The following SGCD variants were observed in gnomAD, a reference collection of about 807,000 sequenced individuals.
SGCD encodes the protein sarcoglycan delta.
A neutral mutation model predicts 36.6 loss-of-function variants in SGCD; 18 were observed. That is an observed-to-expected ratio of 0.49 (90% CI 0.34 to 0.73). SGCD has a LOEUF of 0.73. Ranked by LOEUF, SGCD falls within the 30% of genes least tolerant of loss-of-function variation. The pLI is 0.01. For synonymous variants in SGCD, 133 were observed against 130.6 expected (o/e 1.02, Z -0.12); for missense variants, 387 against 346.7 (o/e 1.12, Z -0.92).
intron 7 of SGCD, among the ~76,000 whole-genome samples, chr5:156,651,271 G>T (rs746601483): frequency 6.6e-6 from 1 of 152,036 alleles, no homozygotes; most frequent in African/African-American, 2.4e-5. Context: ...CCTGTTGATA[G>T]TTTCTTTTGC....
rs375595226 is a variant in SGCD at position 156,667,054 on chromosome 5, C to G, written c.575+19518C>G. Among the ~76,000 whole-genome samples, 6 of 152,294 alleles carry G rather than the reference C, an allele frequency of 3.9e-5. No individual in the cohort carries two copies. In the East Asian group the frequency reaches 1.2e-3, roughly 29 times the overall value. On this transcript the variant is annotated intron_variant, in intron 7 of 8. Transcript: ENST00000337851. ...TCTAAAATTGAAAACTTTTTGAGGA[C>G]TGACATAAAGCTCAAAGGAAATACT...
chr5:156,516,226 CCA>C (rs556578616), intron 4 of SGCD, among the ~76,000 whole-genome samples: 6 of 152,146 alleles, frequency 3.9e-5, no homozygotes, highest in South Asian at 2.1e-4. Context: ...GTGAGACCCC[CCA>C]CACACACACC....
At chr5:156,432,079 C>G (rs1327412435) in intron 3 of SGCD, among the ~76,000 whole-genome samples, 1 of 152,136 alleles carries the variant, frequency 6.6e-6, no homozygotes, top group Non-Finnish European at 1.5e-5. Flanking sequence ...GGCTCTGGGC[C>G]GGTACTGGGG....
At chr5:156,012,604 C>T (rs539569148) in intron 1 of SGCD, among the ~76,000 whole-genome samples, 1 of 140,398 alleles carries the variant, frequency 7.1e-6, no homozygotes, top group Non-Finnish European at 1.5e-5. Context: ...TTAATATATG[C>T]ACAGAGATAA....
intron 3 of SGCD, among the ~76,000 whole-genome samples, chr5:156,276,894 G>A (rs1766331645): frequency 6.6e-6 from 1 of 152,022 alleles, no homozygotes; most frequent in African/African-American, 2.4e-5. Flanking sequence ...TAAACATTTA[G>A]GTTTTTTTCA....
chr5:155,838,516 G>T, the SGCD span, among the ~76,000 whole-genome samples: 2 of 152,160 alleles, frequency 1.3e-5, no homozygotes, highest in Non-Finnish European at 2.9e-5. Flanking sequence ...TTGTAAATTG[G>T]AAGTTAGGTT....
At chr5:156,711,654 T>C (rs1034607543) in intron 7 of SGCD, among the ~76,000 whole-genome samples, 5 of 152,216 alleles carry the variant, frequency 3.3e-5, no homozygotes, top group Admixed American at 2.0e-4. Flanking sequence ...TTTCATCTAG[T>C]ACAATTTTTG....
chr5:155,822,762 T>C, the SGCD span, among the ~76,000 whole-genome samples: 4 of 152,354 alleles, frequency 2.6e-5, no homozygotes, highest in South Asian at 8.3e-4. Context: ...GATTCACATA[T>C]AGCAAATGTT....
At chr5:156,462,649 G>A (rs1034459052) in intron 3 of SGCD, among the ~76,000 whole-genome samples, 2 of 152,124 alleles carry the variant, frequency 1.3e-5, no homozygotes, top group African/African-American at 4.8e-5. Context: ...TAATAGTGAG[G>A]AAAGTATTCT....
At chr5:155,751,463 C>G in the SGCD span, among the ~76,000 whole-genome samples, 1 of 152,108 alleles carries the variant, frequency 6.6e-6, no homozygotes, top group Non-Finnish European at 1.5e-5. Flanking sequence ...GCGGCTCACT[C>G]CGGCCTTGAT....
At chr5:156,121,542 T>C (rs1762040765) in intron 2 of SGCD, among the ~76,000 whole-genome samples, 1 of 151,992 alleles carries the variant, frequency 6.6e-6, no homozygotes, top group Non-Finnish European at 1.5e-5. Context: ...TTTTATCAGT[T>C]AAAAAAAGAA....
chr5:156,644,605 T>C (rs1033966063), intron 6 of SGCD, among the ~76,000 whole-genome samples: 51 of 152,142 alleles, frequency 3.4e-4, no homozygotes, highest in African/African-American at 1.2e-3. Flanking sequence ...TACAGGATTA[T>C]TTTTTCTTCT....
At position 156,208,534 on chromosome 5, in the gene SGCD, A is replaced by G. The variant is rs373781320; in HGVS notation, c.-44+84515A>G. Among the ~76,000 whole-genome samples the G allele has an allele frequency of 5.1e-4, 78 of 152,338 alleles. 1 individual carries two copies. Among genetic ancestry groups the G allele is most frequent in the African/African-American group, 1.8e-3 (75 of 41,584 alleles). ...GATATAGGTGTATCATCAATCAACCAAAGGATTGGGGGTTATCTGGTTTTA... is the reference window on the plus strand; with the variant it reads ...GATATAGGTGTATCATCAATCAACCGAAGGATTGGGGGTTATCTGGTTTTA... On this transcript the variant is annotated intron_variant, in intron 3 of 9. Coordinates refer to the SGCD transcript ENST00000517913.
chr5:156,653,493 CTTT>C (rs111458843), intron 7 of SGCD, among the ~76,000 whole-genome samples: 7,481 of 48,266 alleles, frequency 0.15, 1,632 homozygotes, highest in African/African-American at 0.38. Flanking sequence ...CTAAAGCTTG[CTTT>C]TTTTTTTTTT....
At chr5:156,209,967 T>A (rs1764394772) in intron 3 of SGCD, among the ~76,000 whole-genome samples, 1 of 152,156 alleles carries the variant, frequency 6.6e-6, no homozygotes, top group South Asian at 2.1e-4. Flanking sequence ...CCAGCCCAAC[T>A]TCTGCAAACA....
intron 1 of SGCD, among the ~76,000 whole-genome samples, chr5:155,995,986 C>CA (rs753195795): frequency 0.14 from 6,043 of 44,180 alleles, 287 homozygotes; most frequent in Non-Finnish European, 0.15. Flanking sequence ...CAGACCACAC[C>CA]AAAAAAAAAA....
chr5:156,567,383 T>TAGAC (rs1201310652), intron 4 of SGCD, among the ~76,000 whole-genome samples: 3 of 82,414 alleles, frequency 3.6e-5, no homozygotes, highest in African/African-American at 1.2e-4. Flanking sequence ...GATAAATAGA[T>TAGAC]AGATAGATAG....
intron 6 of SGCD, among the ~76,000 whole-genome samples, chr5:156,620,063 C>T (rs1033694318): frequency 2.0e-5 from 3 of 152,152 alleles, no homozygotes; most frequent in South Asian, 2.1e-4. Context: ...CAGTAGTATA[C>T]GTCAGCAGAA....
At chr5:156,291,293 A>C (rs1211840110) in intron 3 of SGCD, among the ~76,000 whole-genome samples, 1 of 152,274 alleles carries the variant, frequency 6.6e-6, no homozygotes, top group South Asian at 2.1e-4. Context: ...ACTCAAGGTG[A>C]TCGACATCCC....
Sources: allele counts gnomAD v4.1 joint callset (sites outside exome capture counted in the v4.1 genomes callset), GRCh38; gene constraint gnomAD v4.1.1; transcripts MANE v1.5; gene names NCBI Gene and HGNC (gene_info 2026-07-23, HGNC 2026-07-21).